LRRIQ3: variants seen among roughly 807,000 people sequenced by gnomAD.
LRRIQ3 encodes leucine-rich repeat and IQ domain-containing protein 3.
Under a neutral mutation model 59.3 loss-of-function variants are expected in LRRIQ3, and 75 were observed. That is an observed-to-expected ratio of 1.26 (90% confidence interval 1.05 to 1.53). The LOEUF is 1.53. Ranked by LOEUF, LRRIQ3 falls within the 40% of genes most tolerant of loss-of-function variation. The pLI is 0.00. For missense variants in LRRIQ3, 831 were observed against 710.0 expected, an observed-to-expected ratio of 1.17 and a Z score of -1.94; for synonymous variants, 250 against 231.3, an observed-to-expected ratio of 1.08 and a Z score of -0.73.
chr1:74,193,277 C>T (rs762583535), intron 1 of LRRIQ3, among the ~76,000 whole-genome samples: 3 of 152,134 alleles, frequency 2.0e-5, no homozygotes, highest in Admixed American at 1.3e-4. Flanking sequence ...CGTTACAGAA[C>T]GTATCAAGTC....
At chr1:74,150,792 C>A (rs980291159) in intron 4 of LRRIQ3, among the ~76,000 whole-genome samples, 2 of 152,166 alleles carry the variant, frequency 1.3e-5, no homozygotes, top group East Asian at 1.9e-4. Flanking sequence ...AAATATTCAA[C>A]AATTTGAGGT....
intron 6 of LRRIQ3, among the ~76,000 whole-genome samples, chr1:74,069,538 T>G (rs983536360): frequency 6.6e-6 from 1 of 151,996 alleles, no homozygotes; most frequent in Non-Finnish European, 1.5e-5. Flanking sequence ...AAATAATAGC[T>G]TTAATTTAAG....
At chr1:74,129,431 T>G (rs1646980749) in intron 4 of LRRIQ3, among the ~76,000 whole-genome samples, 1 of 151,980 alleles carries the variant, frequency 6.6e-6, no homozygotes, top group African/African-American at 2.4e-5. Context: ...CCAGGGCTCT[T>G]TAGTTAGCTT....
chr1:74,093,424 C>A (rs1333781353), intron 5 of LRRIQ3, among the ~76,000 whole-genome samples: 2 of 151,964 alleles, frequency 1.3e-5, no homozygotes, highest in African/African-American at 2.4e-5. Context: ...TTCCCTTTTC[C>A]AAATTAGAGT....
intron 4 of LRRIQ3, among the ~76,000 whole-genome samples, chr1:74,152,510 T>G (rs1648056922): frequency 6.6e-6 from 1 of 152,154 alleles, no homozygotes; most frequent in African/African-American, 2.4e-5. Flanking sequence ...ATTGTAGGAT[T>G]AAGCTAATGA....
chr1:74,098,080 T>G (rs1157019444), intron 5 of LRRIQ3, among the ~76,000 whole-genome samples: 1 of 152,136 alleles, frequency 6.6e-6, no homozygotes, highest in Non-Finnish European at 1.5e-5. Context: ...GTAAATGGGC[T>G]AAATGCCCCA....
At chr1:74,135,911 G>A (rs1459301202) in intron 4 of LRRIQ3, among the ~76,000 whole-genome samples, 1 of 151,508 alleles carries the variant, frequency 6.6e-6, no homozygotes, top group African/African-American at 2.4e-5. Context: ...GGAAATCAGT[G>A]AAATAAAAAA....
chr1:74,165,702 T>C (rs1257089886), intron 3 of LRRIQ3, among the ~76,000 whole-genome samples: 1 of 151,670 alleles, frequency 6.6e-6, no homozygotes, highest in Non-Finnish European at 1.5e-5. Flanking sequence ...AGCATAATGT[T>C]AGTTGTAGGT....
At chr1:74,067,223 C>G (rs1654891713) in intron 6 of LRRIQ3, among the ~76,000 whole-genome samples, 2 of 152,044 alleles carry the variant, frequency 1.3e-5, no homozygotes, top group African/African-American at 4.8e-5. Context: ...AATTAAAAGA[C>G]AAATCATCTG....
At chr1:74,178,947 T>C (rs1557656100) in intron 3 of LRRIQ3, among the ~76,000 whole-genome samples, 1 of 152,110 alleles carries the variant, frequency 6.6e-6, no homozygotes, top group Admixed American at 6.6e-5. Context: ...TTGCTAAAGG[T>C]GGCAGAGCAG....
At chr1:74,081,162 G>C (rs948843496) in intron 5 of LRRIQ3, among the ~76,000 whole-genome samples, 1 of 151,450 alleles carries the variant, frequency 6.6e-6, no homozygotes, top group Non-Finnish European at 1.5e-5. Context: ...CCCTTGATAC[G>C]CAGGAGAGAA....
intron 4 of LRRIQ3, among the ~76,000 whole-genome samples, chr1:74,115,581 G>C (rs920993281): frequency 1.3e-5 from 2 of 152,096 alleles, no homozygotes; most frequent in African/African-American, 4.8e-5. Context: ...TAAGTAAGTG[G>C]CTTCATTAAT....
intron 4 of LRRIQ3, among the ~76,000 whole-genome samples, chr1:74,121,218 A>G (rs1223070835): frequency 6.6e-6 from 1 of 152,166 alleles, no homozygotes; most frequent in Non-Finnish European, 1.5e-5. Context: ...CAGAGATATT[A>G]TACTCACCTT....
chr1:74,155,648 C>T, intron 4 of LRRIQ3, 85 bp downstream of exon 4: 1 of 1,318,940 alleles, frequency 7.6e-7, no homozygotes, highest in East Asian at 2.6e-5. Context: ...TACAAAAATG[C>T]AAATTATTGG....
rs117643038 is a variant in LRRIQ3 at position 74,179,275 on chromosome 1, G to A, written c.573+3263C>T. On this transcript the variant is annotated intron_variant, in intron 3 of 7. Transcript: ENST00000354431. The stretch of plus-strand genomic sequence containing the variant: ...AGCAAAGAAGAACCCATGCTTCCTC[G>A]TTTTTTTCTGACTCAAAAAATAAAG... Among the ~76,000 whole-genome samples, 145 of 151,762 alleles carry A rather than the reference G, an allele frequency of 9.6e-4. 3 individuals carry two copies. In the East Asian group the frequency reaches 0.022, roughly 23 times the overall value.
At chr1:74,193,268 G>A (rs537189795) in intron 1 of LRRIQ3, among the ~76,000 whole-genome samples, 2 of 152,180 alleles carry the variant, frequency 1.3e-5, no homozygotes, top group African/African-American at 4.8e-5. Flanking sequence ...ATAGCAACAC[G>A]TTACAGAACG....
chr1:74,070,561 C>T (rs137882775), intron 6 of LRRIQ3, among the ~76,000 whole-genome samples: 2 of 151,964 alleles, frequency 1.3e-5, no homozygotes, highest in African/African-American at 4.8e-5. Context: ...ATAATCTGTA[C>T]ACCAAACCCC....
In LRRIQ3 at chr1:74,026,273, T is replaced by C. The variant is rs1210542397; in HGVS notation, c.*540A>G. 3.3e-5 allele frequency: 5 copies of C among 152,142 alleles called. No individual in the cohort carries two copies. Among genetic ancestry groups the C allele is most frequent in the Admixed American group, 2.6e-4 (4 of 15,226 alleles). 9.4% of individuals were successfully genotyped at this position (152,142 alleles called of 1,614,324 possible). A position where few individuals can be genotyped will look rare whatever the true frequency, so the allele number is the denominator to read the frequency against. ...ATAAGAATGTTTAATTTACTTTTCA[T>C]AGTTCATATTTTCTGAATTTTTATA... On this transcript the variant is annotated 3_prime_UTR_variant, in exon 8 of 8. Coordinates refer to ENST00000354431, the MANE Select transcript of LRRIQ3 (RefSeq NM_001105659.2).
rs1031344705 is a variant in LRRIQ3, at chr1:74,065,985, G to C, written c.997+8676C>G. The stretch of plus-strand genomic sequence containing the variant: ...GTGAATCACCCGAGGTGAGGAGTTT[G>C]AGACCAACCTGACCAACATAGTGAA... On this transcript the variant is annotated intron_variant, in intron 6 of 7. Transcript: ENST00000354431. Among the ~76,000 whole-genome samples, 9 of 151,990 alleles carry C rather than the reference G, an allele frequency of 5.9e-5. No homozygotes were observed. The South Asian group carries it at 1.9e-3, about 32-fold the overall frequency.
Sources: gnomAD v4.1 joint callset for allele counts (sites outside exome capture counted in the v4.1 genomes callset) on GRCh38, gnomAD v4.1.1 for gene constraint, MANE v1.5 for transcripts, NCBI Gene and HGNC (gene_info 2026-07-23, HGNC 2026-07-21) for gene names.